PARG: variants seen among roughly 807,000 people sequenced by gnomAD.
PARG encodes the protein poly(ADP-ribose) glycohydrolase, also known as mitochondrial poly(ADP-ribose) glycohydrolase.
In PARG, 35 loss-of-function variants were observed where a neutral mutation model predicts 113.0. The observed-to-expected ratio is 0.31, with a 90% CI of 0.24 to 0.41. The LOEUF (loss-of-function observed/expected upper bound fraction) is 0.41. PARG is among the 10% of genes least tolerant of loss of function. The pLI is 1.00. For missense variants in PARG, 797 were observed against 1,169.4 expected (o/e 0.68, Z 4.64); for synonymous variants, 330 against 409.9 (o/e 0.81, Z 2.36).
chr10:49,933,230 C>A lies in PARG; in HGVS notation c.1218G>T (p.Lys406Asn). The change falls in exon 3 of 18, where the codon AAG becomes AAT. Residue 406 changes from lysine (K) to asparagine (N), a missense_variant. This residue lies in a region of PARG where 252 missense variants were observed against 437.4 expected (regional missense o/e 0.58). Transcript: ENST00000616448. ...ECRNSKQHGK[K>N]DSKITDHFMR... ...TGAAATGATCTGTGATTTTAGAATCCTTTTTTCCATGTTGCTTAGAATTTC... is the reference window on the plus strand; with the variant it reads ...TGAAATGATCTGTGATTTTAGAATCATTTTTTCCATGTTGCTTAGAATTTC... 6.3e-7 allele frequency: 1 copy of A among 1,591,318 alleles called. No individual in the cohort carries two copies. Among genetic ancestry groups the A allele is most frequent in the Non-Finnish European group, 8.6e-7 (1 of 1,166,004 alleles).
At position 49,937,498 on chromosome 10, in the gene PARG, A is replaced by T; in HGVS notation, c.218-2356T>A. On this transcript the variant is annotated intron_variant, in intron 1 of 17. Coordinates refer to ENST00000616448, the MANE Select transcript of PARG (RefSeq NM_003631.5). ...CTCAAAAAAAAAAAAAAATCCTCAA[A>T]TTACAAACCAGTAATATGCCAAAAC... 1.3e-5 allele frequency among the ~76,000 whole-genome samples: 2 copies of T among 152,240 alleles called. 1 individual carries two copies. Among genetic ancestry groups the T allele is most frequent in the Non-Finnish European group, 2.9e-5 (2 of 68,004 alleles).
At chr10:49,878,597 A>C (rs1462464302) in intron 9 of PARG, among the ~76,000 whole-genome samples, 1 of 140,938 alleles carries the variant, frequency 7.1e-6, no homozygotes, top group East Asian at 2.0e-4. Context: ...CAGCCTGGGC[A>C]ACAGAGTGAA....
rs572690569 is a variant in PARG at position 49,849,716 on chromosome 10, G to A, written c.2354-6084C>T. Among the ~76,000 whole-genome samples, 13 of 152,280 alleles carry A rather than the reference G, an allele frequency of 8.5e-5. 1 individual carries two copies. Among genetic ancestry groups the A allele is most frequent in the African/African-American group, 2.4e-4 (10 of 41,568 alleles). On this transcript the variant is annotated intron_variant, in intron 13 of 17. Transcript: ENST00000616448. ...TAGACTCTCAGCTCCTCAAGGGCAG[G>A]GATTATAAATTATAGGCGGGGTGTG...
At position 49,903,895 on chromosome 10, in the gene PARG, A is replaced by G. The variant is rs782061555; in HGVS notation, c.1737+12022T>C. ...GAGATGAAATGCCATGGAGGTTTTA[A>G]GATCTATGCTTCAGATAGCTCACTG... is the stretch of plus-strand genomic sequence containing the variant. On this transcript the variant is annotated intron_variant, in intron 7 of 17. Coordinates refer to ENST00000616448, the MANE Select transcript of PARG (RefSeq NM_003631.5). 2.0e-5 allele frequency among the ~76,000 whole-genome samples: 3 copies of G among 152,308 alleles called. No individual in the cohort carries two copies. The Middle Eastern group carries it at 0.01, about 518-fold the overall frequency.
intron 16 of PARG, among the ~76,000 whole-genome samples, chr10:49,829,691 A>G (rs571640970): frequency 4.6e-4 from 70 of 152,314 alleles, no homozygotes; most frequent in African/African-American, 1.6e-3. Context: ...CCCACTAGAG[A>G]ACAACCATAG....
chr10:49,911,282 C>CAAA (rs1210324104), intron 7 of PARG, among the ~76,000 whole-genome samples: 2 of 88,216 alleles, frequency 2.3e-5, no homozygotes, highest in African/African-American at 4.0e-5. Context: ...GACTGTGTCT[C>CAAA]AAAAAAAAAA....
intron 7 of PARG, among the ~76,000 whole-genome samples, chr10:49,892,012 C>T (rs1239114436): frequency 2.0e-5 from 3 of 151,268 alleles, no homozygotes; most frequent in Admixed American, 6.6e-5. Flanking sequence ...ATTTCCTGGC[C>T]GGGCGTGGTG....
At chr10:49,856,499 T>C (rs1287445853) in intron 13 of PARG, among the ~76,000 whole-genome samples, 5 of 152,232 alleles carry the variant, frequency 3.3e-5, no homozygotes, top group Non-Finnish European at 7.3e-5. Context: ...GAACTTTTTC[T>C]TTTAGGATTC....
chr10:49,824,049 T>C (rs1313926096), intron 16 of PARG, among the ~76,000 whole-genome samples: 2 of 152,200 alleles, frequency 1.3e-5, no homozygotes, highest in Non-Finnish European at 2.9e-5. Context: ...AGCCAGTTAC[T>C]CTCTGGGCCT....
chr10:49,830,367 C>G (rs982710788), intron 16 of PARG, among the ~76,000 whole-genome samples: 1 of 152,132 alleles, frequency 6.6e-6, no homozygotes, highest in Non-Finnish European at 1.5e-5. Flanking sequence ...GAAAATAGCA[C>G]CATGCAGTTT....
intron 7 of PARG, among the ~76,000 whole-genome samples, chr10:49,891,623 A>ATATT (rs1847807453): frequency 4.2e-5 from 2 of 47,440 alleles, no homozygotes; most frequent in African/African-American, 2.1e-4. Context: ...ATATATATAT[A>ATATT]TTTTTTTTTT....
intron 8 of PARG, among the ~76,000 whole-genome samples, chr10:49,881,621 G>A (rs1847220142): frequency 6.6e-6 from 1 of 152,094 alleles, no homozygotes; most frequent in Non-Finnish European, 1.5e-5. Flanking sequence ...TGAACCTGAG[G>A]AAAGGGCAGG....
chr10:49,896,071 A>G lies in PARG; in HGVS notation c.1738-10776T>C, dbSNP rs1398229008. 2.0e-5 allele frequency among the ~76,000 whole-genome samples: 3 copies of G among 152,162 alleles called. No homozygotes were observed. The East Asian group carries it at 5.8e-4, about 29-fold the overall frequency. Reference sequence around the variant, plus strand: ...TTTACTTCTTCCTTTCTGATTTTCAAACATTTTATTTCTTTTTCTTGCCTT... The same window carrying G: ...TTTACTTCTTCCTTTCTGATTTTCAGACATTTTATTTCTTTTTCTTGCCTT... On this transcript the variant is annotated intron_variant, in intron 7 of 17. Transcript: ENST00000616448.
chr10:49,843,931 A>AGT (rs546245883), intron 13 of PARG, among the ~76,000 whole-genome samples: 163 of 151,446 alleles, frequency 1.1e-3, no homozygotes, highest in South Asian at 2.3e-3. Context: ...GATTACCTAA[A>AGT]GTCAGAAGTT....
intron 7 of PARG, chr10:49,909,572 C>G (rs1399963723): frequency 6.5e-6 from 1 of 153,778 alleles, no homozygotes; most frequent in African/African-American, 2.4e-5. Context: ...CAACTTGGAG[C>G]CTGTGGAGGC....
chr10:49,843,950 G>T (rs1554832858), intron 13 of PARG, among the ~76,000 whole-genome samples: 1 of 151,462 alleles, frequency 6.6e-6, no homozygotes, highest in Non-Finnish European at 1.5e-5. Flanking sequence ...TTCAAGACCA[G>T]CCTGGCCAAC....
intron 13 of PARG, among the ~76,000 whole-genome samples, chr10:49,856,691 C>T (rs1295562040): frequency 2.0e-5 from 3 of 152,044 alleles, no homozygotes; most frequent in Admixed American, 2.0e-4. Context: ...TCACTATGTT[C>T]TTCTTAAGAG....
At chr10:49,878,623 TAA>T (rs554723081) in intron 9 of PARG, among the ~76,000 whole-genome samples, 14 of 132,856 alleles carry the variant, frequency 1.1e-4, no homozygotes, top group Admixed American at 2.3e-4. Flanking sequence ...GTCTTAAAAT[TAA>T]AAAAAAAAAA....
chr10:49,879,969 T>C, intron 8 of PARG, 139 bp from the exon 9 acceptor site: 1 of 581,950 alleles, frequency 1.7e-6, no homozygotes, highest in Non-Finnish European at 3.1e-6. Context: ...AAATCAGCAA[T>C]ATTGTAAAAG....
Sources: gnomAD v4.1 joint callset for allele counts (sites outside exome capture counted in the v4.1 genomes callset) on GRCh38, gnomAD v4.1.1 for gene constraint, gnomAD v4.1.1 regional missense constraint, MANE v1.5 for transcripts, NCBI Gene and HGNC (gene_info 2026-07-23, HGNC 2026-07-21) for gene names.